Variants in LGSN observed in about 807,000 individuals in gnomAD.
LGSN encodes the protein lengsin, lens protein with glutamine synthetase domain.
In LGSN, 21 loss-of-function variants were observed where a neutral mutation model predicts 19.5. The observed-to-expected ratio is 1.07, with a 90% confidence interval of 0.76 to 1.55. LGSN has a LOEUF of 1.55. Ranked by LOEUF, LGSN falls within the 40% of genes most tolerant of loss-of-function variation. LGSN has a pLI of 0.00. For missense variants in LGSN, 673 were observed against 608.5 expected, an observed-to-expected ratio of 1.11 and a Z score of -1.12; for synonymous variants, 257 against 215.6, an observed-to-expected ratio of 1.19 and a Z score of -1.68.
chr6:63,431,905 GA>G, the LGSN span, among the ~76,000 whole-genome samples: 2,251 of 138,154 alleles, frequency 0.016, 39 homozygotes, highest in African/African-American at 0.052. Context: ...CGACTCTACT[GA>G]AAAAAAAAAA....
chr6:63,394,660 C>G, the LGSN span, among the ~76,000 whole-genome samples: 1 of 152,218 alleles, frequency 6.6e-6, no homozygotes, highest in Non-Finnish European at 1.5e-5. Context: ...TTAATAAACT[C>G]GCTTTCACTT....
the LGSN span, among the ~76,000 whole-genome samples, chr6:63,386,207 G>A: frequency 2.0e-5 from 3 of 152,258 alleles, no homozygotes; most frequent in African/African-American, 7.2e-5. Flanking sequence ...ATAAGCAAGA[G>A]AGGGACCCCT....
chr6:63,431,345 G>A, the LGSN span, among the ~76,000 whole-genome samples: 2 of 152,196 alleles, frequency 1.3e-5, no homozygotes, highest in South Asian at 2.1e-4. Context: ...AGTGTTGGTT[G>A]GGGCCAGGCA....
the LGSN span, among the ~76,000 whole-genome samples, chr6:63,535,119 A>ATGT: frequency 6.6e-6 from 1 of 152,110 alleles, no homozygotes; most frequent in East Asian, 1.9e-4. Context: ...TTTAGGTAAT[A>ATGT]AAATACATGG....
At chr6:63,572,541 A>C in the LGSN span, 1 of 395,924 alleles carries the variant, frequency 2.5e-6, no homozygotes, top group East Asian at 3.6e-5. Context: ...CTCTGCTCCG[A>C]GCCGCTCACT....
the LGSN span, among the ~76,000 whole-genome samples, chr6:63,449,210 G>T: frequency 3.2e-4 from 49 of 152,142 alleles, no homozygotes; most frequent in Non-Finnish European, 6.9e-4. Flanking sequence ...AACCCACCAG[G>T]ACAGCAGAGA....
At chr6:63,465,535 G>T in the LGSN span, among the ~76,000 whole-genome samples, 2 of 152,092 alleles carry the variant, frequency 1.3e-5, no homozygotes, top group Non-Finnish European at 2.9e-5. Context: ...TAGCTTGAAG[G>T]TGGCCATGGT....
the LGSN span, among the ~76,000 whole-genome samples, chr6:63,417,043 C>A: frequency 6.6e-6 from 1 of 152,040 alleles, no homozygotes; most frequent in African/African-American, 2.4e-5. Context: ...GGAAATCCCT[C>A]TTCTTTAACC....
chr6:63,345,057 C>T, the LGSN span, among the ~76,000 whole-genome samples: 1 of 151,966 alleles, frequency 6.6e-6, no homozygotes, highest in Non-Finnish European at 1.5e-5. Flanking sequence ...AATTCTATGA[C>T]CTAAATAAGA....
the LGSN span, among the ~76,000 whole-genome samples, chr6:63,566,494 C>T: frequency 6.6e-6 from 1 of 152,142 alleles, no homozygotes; most frequent in Non-Finnish European, 1.5e-5. Context: ...CCTATGGCTA[C>T]AGCTGGCTGG....
At chr6:63,470,420 G>A in the LGSN span, among the ~76,000 whole-genome samples, 2 of 151,144 alleles carry the variant, frequency 1.3e-5, no homozygotes, top group Non-Finnish European at 2.9e-5. Flanking sequence ...GTTGCAGTGA[G>A]CAGAGATCGC....
the LGSN span, among the ~76,000 whole-genome samples, chr6:63,363,831 T>C: frequency 5.9e-5 from 9 of 151,984 alleles, no homozygotes; most frequent in Admixed American, 5.9e-4. Flanking sequence ...CAAATTCAAA[T>C]TCAGGAAATA....
the LGSN span, among the ~76,000 whole-genome samples, chr6:63,361,954 C>T: frequency 2.6e-5 from 4 of 152,178 alleles, no homozygotes; most frequent in Admixed American, 2.6e-4. Flanking sequence ...ATGTCAGGCA[C>T]ACTTGTAGCT....
At chr6:63,552,275 G>C in the LGSN span, among the ~76,000 whole-genome samples, 2 of 152,202 alleles carry the variant, frequency 1.3e-5, no homozygotes, top group Non-Finnish European at 2.9e-5. Context: ...GCATTTCTCT[G>C]ATGGCCAGTG....
At chr6:63,356,377 T>TA in the LGSN span, among the ~76,000 whole-genome samples, 1 of 151,678 alleles carries the variant, frequency 6.6e-6, no homozygotes. Flanking sequence ...CCATCTCTAC[T>TA]AAAAAAATAC....
the LGSN span, among the ~76,000 whole-genome samples, chr6:63,452,916 A>G: frequency 6.6e-6 from 1 of 150,850 alleles, no homozygotes; most frequent in African/African-American, 2.5e-5. Flanking sequence ...CTTTTTGAAT[A>G]TATGCATTTA....
At chr6:63,486,451 G>A in the LGSN span, among the ~76,000 whole-genome samples, 3 of 152,072 alleles carry the variant, frequency 2.0e-5, no homozygotes, top group Admixed American at 6.6e-5. Context: ...AGCCCAAATG[G>A]ATTTGTTCAG....
intron 1 of LGSN, 106 bp downstream of exon 1, chr6:63,319,808 T>C: frequency 1.3e-6 from 1 of 782,080 alleles, no homozygotes; most frequent in Non-Finnish European, 2.2e-6. Flanking sequence ...ATAACAAGTA[T>C]AATTATGCTG....
At chr6:63,356,845 T>A in the LGSN span, among the ~76,000 whole-genome samples, 2 of 152,176 alleles carry the variant, frequency 1.3e-5, no homozygotes, top group South Asian at 2.1e-4. Context: ...CAATTTTTTT[T>A]TATACTTTAA....
Sources: allele counts gnomAD v4.1 joint callset (sites outside exome capture counted in the v4.1 genomes callset), GRCh38; gene constraint gnomAD v4.1.1; transcripts MANE v1.5; gene names NCBI Gene and HGNC (gene_info 2026-07-23, HGNC 2026-07-21).